The following PRKCZ variants were observed in gnomAD, a reference collection of about 807,000 sequenced individuals.
PRKCZ encodes the protein protein kinase C zeta.
Under a neutral mutation model 79.5 loss-of-function variants are expected in PRKCZ, and 33 were observed. The ratio of observed to expected loss-of-function variants is 0.41; its 90% CI spans 0.31 to 0.55. The LOEUF is 0.55. Among genes scored for constraint, PRKCZ ranks in the 20% least tolerant of loss-of-function variants. The pLI is 0.19. For synonymous variants in PRKCZ, 342 were observed against 320.9 expected (o/e 1.07, Z -0.70); for missense variants, 578 against 813.5 (o/e 0.71, Z 3.52).
chr1:2,145,893 A>G (rs1199966611), intron 6 of PRKCZ, 134 bp from the exon 7 acceptor site: 1 of 715,106 alleles, frequency 1.4e-6, no homozygotes, highest in African/African-American at 1.8e-5. Context: ...TCCAGCCTGG[A>G]TGATGACAGA....
rs1473404887 is a variant in PRKCZ at position 2,118,989 on chromosome 1, G to A, written c.335-16273G>A. 2.0e-5 allele frequency among the ~76,000 whole-genome samples: 3 copies of A among 151,832 alleles called. No individual in the cohort carries two copies. The East Asian group carries it at 5.8e-4, about 29-fold the overall frequency. On this transcript the variant is annotated intron_variant, in intron 4 of 17. Coordinates refer to ENST00000378567, the MANE Select transcript of PRKCZ (RefSeq NM_002744.6). Reference sequence around the variant, plus strand: ...TCTTGCTATGGGTCCTTATTTGTCCGGTCTGTTCTTTGTTTTGTCCCTCTT... The same window carrying A: ...TCTTGCTATGGGTCCTTATTTGTCCAGTCTGTTCTTTGTTTTGTCCCTCTT...
At chr1:2,069,604 T>G (rs181438787) in intron 4 of PRKCZ, among the ~76,000 whole-genome samples, 21 of 152,208 alleles carry the variant, frequency 1.4e-4, no homozygotes, top group African/African-American at 4.8e-4. Flanking sequence ...GGGAGGGAGA[T>G]GTCAAGACGA....
intron 4 of PRKCZ, among the ~76,000 whole-genome samples, chr1:2,090,548 C>T (rs1016690656): frequency 3.9e-5 from 6 of 152,218 alleles, no homozygotes; most frequent in African/African-American, 7.2e-5. Flanking sequence ...AAGTCTGCCC[C>T]GGTCCCTGGG....
chr1:2,089,462 T>C (rs1407344495), intron 4 of PRKCZ, among the ~76,000 whole-genome samples: 1 of 152,160 alleles, frequency 6.6e-6, no homozygotes, highest in African/African-American at 2.4e-5. Context: ...GGACCCTGAT[T>C]GCTCGAGATG....
intron 1 of PRKCZ, chr1:2,051,013 G>C (rs2102179369): frequency 3.4e-6 from 1 of 294,186 alleles, no homozygotes; most frequent in East Asian, 5.6e-5. Flanking sequence ...CCGCAAACCT[G>C]TAAGGACTGA....
chr1:2,114,936 A>G (rs1246498345), intron 4 of PRKCZ, among the ~76,000 whole-genome samples: 1 of 152,222 alleles, frequency 6.6e-6, no homozygotes, highest in African/African-American at 2.4e-5. Context: ...AAAACTCCCT[A>G]AAACATGAAA....
At chr1:2,063,279 G>A (rs942519567) in intron 4 of PRKCZ, among the ~76,000 whole-genome samples, 37 of 152,242 alleles carry the variant, frequency 2.4e-4, no homozygotes, top group Non-Finnish European at 4.6e-4. Context: ...GTGTAGACCC[G>A]GAAGTGAGAT....
chr1:2,185,314 C>A lies in PRKCZ; in HGVS notation c.*305C>A. ...CCAAGGTGCACATTTTCCACGGAAA[C>A]AGAACTCGATGCACTGACCTGCTCC... is the stretch of plus-strand genomic sequence containing the variant. On this transcript the variant is annotated 3_prime_UTR_variant, in exon 18 of 18. Transcript: ENST00000378567. 5.6e-6 allele frequency: 4 copies of A among 718,706 alleles called. No homozygotes were observed. Among genetic ancestry groups the A allele is most frequent in the East Asian group, 2.7e-5 (1 of 37,296 alleles). 44.5% of individuals were successfully genotyped at this position (718,706 alleles called of 1,614,324 possible).
intron 4 of PRKCZ, among the ~76,000 whole-genome samples, chr1:2,097,659 C>T (rs927088583): frequency 9.9e-5 from 15 of 152,158 alleles, no homozygotes; most frequent in Non-Finnish European, 1.5e-4. Context: ...CCATGCACCC[C>T]GGAAGGCACG....
chr1:2,182,068 T>C (rs926479049), intron 16 of PRKCZ: 1 of 322,966 alleles, frequency 3.1e-6, no homozygotes, highest in Non-Finnish European at 6.2e-6. Flanking sequence ...GTGGAAGGAT[T>C]TGTCTGTTTT....
chr1:2,074,709 C>G, intron 4 of PRKCZ: 1 of 224,794 alleles, frequency 4.4e-6, no homozygotes, highest in East Asian at 1.1e-4. Context: ...TCGGGGTCCT[C>G]GGATGGTGGC....
At chr1:2,120,445 A>G (rs1241642740) in intron 4 of PRKCZ, among the ~76,000 whole-genome samples, 1 of 151,376 alleles carries the variant, frequency 6.6e-6, no homozygotes, top group African/African-American at 2.4e-5. Context: ...GATTACAGGC[A>G]CTTGCCACCA....
intron 4 of PRKCZ, among the ~76,000 whole-genome samples, chr1:2,124,085 GCGGTTAGGGTCACGGCGA>G (rs1673239151): frequency 1.0e-3 from 6 of 5,950 alleles, no homozygotes; most frequent in Admixed American, 2.2e-3. Flanking sequence ...GGTCACGGCG[GCGGTTAGGGTCACGGCGA>G]CGGTTAGGGT....
At position 2,185,268 on chromosome 1, in the gene PRKCZ, GA is replaced by G. The variant is rs1687412914; in HGVS notation, c.*260del. 1.4e-6 allele frequency: 1 copy of G among 715,850 alleles called. No homozygotes were observed. Among genetic ancestry groups the G allele is most frequent in the Admixed American group, 2.0e-5 (1 of 49,986 alleles). The allele number at this position is 715,850 out of a possible 1,614,324, so 44.3% of individuals were successfully genotyped here. On this transcript the variant is annotated 3_prime_UTR_variant, in exon 18 of 18. Coordinates refer to ENST00000378567, the MANE Select transcript of PRKCZ (RefSeq NM_002744.6). ...GCGGCGGATCCGCGGGGACCCTGCC[GA>G]GGGGGCTGTCATGCGGTTTCCAAGG...
At chr1:2,164,371 G>A (rs1270493293) in intron 10 of PRKCZ, among the ~76,000 whole-genome samples, 4 of 152,236 alleles carry the variant, frequency 2.6e-5, no homozygotes, top group Admixed American at 2.6e-4. Context: ...TGGACTTAAA[G>A]CAAGCAGGCC....
intron 4 of PRKCZ, among the ~76,000 whole-genome samples, chr1:2,060,013 G>C (rs1213782785): frequency 6.6e-6 from 1 of 152,336 alleles, no homozygotes; most frequent in East Asian, 1.9e-4. Flanking sequence ...TGTTGGGAGA[G>C]GAAGGAGAGT....
At chr1:2,110,316 C>T (rs566603566) in intron 4 of PRKCZ, among the ~76,000 whole-genome samples, 2 of 152,336 alleles carry the variant, frequency 1.3e-5, no homozygotes, top group Admixed American at 6.5e-5. Flanking sequence ...CTGCCTCCAG[C>T]GGGGGCCCCG....
At position 2,144,191 on chromosome 1, in the gene PRKCZ, G is replaced by A. The variant is rs1429722807; in HGVS notation, c.421-19G>A. On this transcript the variant is annotated intron_variant, in intron 5 of 17. Coordinates refer to ENST00000378567, the MANE Select transcript of PRKCZ (RefSeq NM_002744.6). ...CCCCTCAGTGTGGCCTGGGCCTGAC[G>A]CTCTGTTCCCACCTGCAGAGAGCGT... 52 of 1,550,330 alleles carry A rather than the reference G, an allele frequency of 3.4e-5. No individual in the cohort carries two copies. Among genetic ancestry groups the A allele is most frequent in the Non-Finnish European group, 3.9e-5 (45 of 1,146,176 alleles).
At chr1:2,084,110 C>T (rs1288843087) in intron 4 of PRKCZ, among the ~76,000 whole-genome samples, 1 of 152,138 alleles carries the variant, frequency 6.6e-6, no homozygotes, top group African/African-American at 2.4e-5. Context: ...GTGGCGGATG[C>T]CTGTAATTAA....
Sources: gnomAD v4.1 joint callset for allele counts (sites outside exome capture counted in the v4.1 genomes callset) on GRCh38, gnomAD v4.1.1 for gene constraint, MANE v1.5 for transcripts, NCBI Gene and HGNC (gene_info 2026-07-23, HGNC 2026-07-21) for gene names.